Variants in STK3 observed in about 807,000 individuals in gnomAD.
The protein encoded by STK3 is serine/threonine kinase 3, also known as serine/threonine-protein kinase 3.
In STK3, 41 loss-of-function variants were observed where a neutral mutation model predicts 58.0. The ratio of observed to expected loss-of-function variants is 0.71; its 90% confidence interval spans 0.55 to 0.92. The LOEUF (loss-of-function observed/expected upper bound fraction) is 0.92, where lower values mean the gene tolerates loss of function less well. Among genes scored for constraint, STK3 ranks in the 40% least tolerant of loss-of-function variants. The pLI, the probability that STK3 is intolerant of heterozygous loss-of-function variation, is 0.00. For missense variants in STK3, 479 were observed against 602.7 expected (o/e 0.79, Z 2.15); for synonymous variants, 170 against 191.0 (o/e 0.89, Z 0.91).
At chr8:98,660,654 C>T (rs1286901766) in intron 6 of STK3, among the ~76,000 whole-genome samples, 1 of 152,010 alleles carries the variant, frequency 6.6e-6, no homozygotes, top group Non-Finnish European at 1.5e-5. Context: ...AAAACTGTCC[C>T]TTAGCCATAT....
At chr8:98,359,344 TAAAAA>T in the STK3 span, among the ~76,000 whole-genome samples, 68 of 55,716 alleles carry the variant, frequency 1.2e-3, 1 homozygote, top group Middle Eastern at 0.012. Flanking sequence ...CCATCTCAAC[TAAAAA>T]AAAAAAAAAA....
chr8:98,520,803 G>A (rs1017722085), intron 10 of STK3, among the ~76,000 whole-genome samples: 3 of 151,866 alleles, frequency 2.0e-5, no homozygotes, highest in Non-Finnish European at 2.9e-5. Flanking sequence ...TAATAGATGA[G>A]GGAATGAATA....
chr8:98,504,477 C>T (rs1823887240), intron 10 of STK3, among the ~76,000 whole-genome samples: 1 of 152,160 alleles, frequency 6.6e-6, no homozygotes, highest in Non-Finnish European at 1.5e-5. Context: ...GCAGTTTCTT[C>T]CTAGCATTGA....
intron 3 of STK3, among the ~76,000 whole-genome samples, chr8:98,417,646 C>T (rs1586553912): frequency 6.6e-6 from 1 of 152,186 alleles, no homozygotes; most frequent in East Asian, 1.9e-4. Flanking sequence ...GTGCCTGTTT[C>T]CCCCTCAGAT....
At chr8:98,522,288 A>G (rs910814095) in intron 10 of STK3, among the ~76,000 whole-genome samples, 4 of 152,156 alleles carry the variant, frequency 2.6e-5, no homozygotes, top group Non-Finnish European at 2.9e-5. Flanking sequence ...ATGAACTCTG[A>G]TTTCCTAAAT....
At chr8:98,469,356 C>G (rs902125029) in intron 10 of STK3, among the ~76,000 whole-genome samples, 3 of 151,920 alleles carry the variant, frequency 2.0e-5, no homozygotes, top group Admixed American at 6.6e-5. Context: ...AATTTTATCT[C>G]TAATAATACC....
chr8:98,386,690 G>A lies in STK3; in HGVS notation n.56+1502C>T, dbSNP rs565877266. ...TTATAGACTTTTACCTTAAAACTAT[G>A]TAAATGCCAGCGGGCATGGTGGCTT... On this transcript the variant is annotated intron_variant and non_coding_transcript_variant, in intron 1 of 2. Coordinates refer to the STK3 transcript ENST00000518704. 1.2e-4 allele frequency among the ~76,000 whole-genome samples: 18 copies of A among 152,298 alleles called. No homozygotes were observed. The South Asian group carries it at 3.7e-3, about 32-fold the overall frequency.
intron 6 of STK3, among the ~76,000 whole-genome samples, chr8:98,650,795 C>A (rs974218028): frequency 2.6e-5 from 4 of 152,220 alleles, no homozygotes; most frequent in African/African-American, 9.6e-5. Context: ...GGAGGGGCGC[C>A]TGCCATTGCC....
At chr8:98,469,751 T>A (rs1415571478) in intron 10 of STK3, among the ~76,000 whole-genome samples, 1 of 152,218 alleles carries the variant, frequency 6.6e-6, no homozygotes, top group African/African-American at 2.4e-5. Flanking sequence ...TCCATTTTAA[T>A]AAGGATAAAA....
At position 98,545,760 on chromosome 8, in the gene STK3, G is replaced by A. The variant is rs985613185; in HGVS notation, c.1141+2209C>T. On this transcript the variant is annotated intron_variant, in intron 9 of 10. Transcript: ENST00000419617. ...AATATACTGCTATCATCTTATTAGG[G>A]AACAAAAATGCTAAAGACACATTAG... 2.6e-5 allele frequency among the ~76,000 whole-genome samples: 4 copies of A among 152,058 alleles called. No homozygotes were observed. The East Asian group carries it at 7.7e-4, about 29-fold the overall frequency.
At chr8:98,830,983 AAAAAAAAAGG>A (rs1488295249) in intron 3 of STK3, among the ~76,000 whole-genome samples, 1 of 151,530 alleles carries the variant, frequency 6.6e-6, no homozygotes, top group East Asian at 1.9e-4. Context: ...AAAAAAAAAA[AAAAAAAAAGG>A]AAAGTAAGGT....
chr8:98,436,289 A>T (rs1818486308), intron 2 of STK3, among the ~76,000 whole-genome samples: 1 of 151,616 alleles, frequency 6.6e-6, no homozygotes, highest in African/African-American at 2.4e-5. Context: ...AGCCTGCCAC[A>T]CCCTTTATCC....
chr8:98,546,540 T>A (rs551503265), intron 9 of STK3, among the ~76,000 whole-genome samples: 1 of 152,296 alleles, frequency 6.6e-6, no homozygotes, highest in South Asian at 2.1e-4. Flanking sequence ...AAAAATTATA[T>A]CAGCTTATGG....
At chr8:98,696,548 G>T (rs184023354) in intron 6 of STK3, among the ~76,000 whole-genome samples, 7,926 of 151,848 alleles carry the variant, frequency 0.052, 293 homozygotes, top group Non-Finnish European at 0.077. Context: ...CCTAATTTAT[G>T]GAGAGTTTTT....
chr8:98,620,767 A>G (rs1023845324), intron 6 of STK3, among the ~76,000 whole-genome samples: 1 of 152,014 alleles, frequency 6.6e-6, no homozygotes, highest in Non-Finnish European at 1.5e-5. Context: ...AAACACACAC[A>G]CAAGAAATTG....
chr8:98,732,127 C>T (rs937953264), intron 4 of STK3, among the ~76,000 whole-genome samples: 2 of 152,102 alleles, frequency 1.3e-5, no homozygotes, highest in African/African-American at 2.4e-5. Context: ...AAATAAAGCA[C>T]CCCGCCTCCT....
chr8:98,613,668 A>T (rs931606925), intron 6 of STK3, among the ~76,000 whole-genome samples: 22 of 152,192 alleles, frequency 1.4e-4, no homozygotes, highest in South Asian at 8.3e-4. Context: ...AACAGAAATT[A>T]AAAAAATGCA....
chr8:98,421,812 G>A (rs1818177757), intron 3 of STK3, among the ~76,000 whole-genome samples: 1 of 152,132 alleles, frequency 6.6e-6, no homozygotes, highest in South Asian at 2.1e-4. Context: ...AATTATTCCA[G>A]TCTTGTCTCA....
chr8:98,391,171 A>T (rs1320924804), upstream of STK3, among the ~76,000 whole-genome samples: 1 of 152,138 alleles, frequency 6.6e-6, no homozygotes, highest in East Asian at 1.9e-4. Flanking sequence ...TCTATGAAGG[A>T]TGTTGCTATT....
Sources: allele counts gnomAD v4.1 joint callset (sites outside exome capture counted in the v4.1 genomes callset), GRCh38; gene constraint gnomAD v4.1.1; transcripts MANE v1.5; gene names NCBI Gene and HGNC (gene_info 2026-07-23, HGNC 2026-07-21).